The following ELOVL2 variants were observed in gnomAD, a reference collection of about 807,000 sequenced individuals.
The protein encoded by ELOVL2 is ELOVL fatty acid elongase 2, also known as very long chain fatty acid elongase 2.
In ELOVL2, 38 loss-of-function variants were observed where a neutral mutation model predicts 37.7. That is an observed-to-expected ratio of 1.01 (90% CI 0.78 to 1.32). The LOEUF is 1.32. ELOVL2 is among the 40% of genes most tolerant of loss of function. The probability of loss-of-function intolerance (pLI) is 0.00; values close to 1 mark genes in which losing one functional copy is unlikely to be tolerated. For synonymous variants in ELOVL2, 115 were observed against 122.3 expected (o/e 0.94, Z 0.40); for missense variants, 352 against 363.6 (o/e 0.97, Z 0.26).
At chr6:10,988,781 C>A (rs1324967465) in intron 7 of ELOVL2, among the ~76,000 whole-genome samples, 1 of 152,216 alleles carries the variant, frequency 6.6e-6, no homozygotes, top group Non-Finnish European at 1.5e-5. Context: ...CCTGAGGCCT[C>A]TTCTCTGTTA....
chr6:11,032,342 CAAAAAA>C (rs4053074), intron 1 of ELOVL2, among the ~76,000 whole-genome samples: 4 of 119,184 alleles, frequency 3.4e-5, no homozygotes, highest in African/African-American at 6.0e-5. Flanking sequence ...GTTTCCTATA[CAAAAAA>C]AAAAAAAAAA....
intron 5 of ELOVL2, among the ~76,000 whole-genome samples, chr6:10,994,464 A>G (rs1782226765): frequency 7.8e-6 from 1 of 128,370 alleles, no homozygotes; most frequent in Non-Finnish European, 1.6e-5. Context: ...GTGAAATTCC[A>G]TCTCAAAAAA....
chr6:11,015,362 T>G (rs1344776085), intron 1 of ELOVL2, among the ~76,000 whole-genome samples: 1 of 152,156 alleles, frequency 6.6e-6, no homozygotes, highest in East Asian at 1.9e-4. Flanking sequence ...AAGTAAAATG[T>G]GCAGAAAAGA....
chr6:11,027,210 G>A (rs1782852595), intron 1 of ELOVL2, among the ~76,000 whole-genome samples: 1 of 152,058 alleles, frequency 6.6e-6, no homozygotes, highest in African/African-American at 2.4e-5. Flanking sequence ...AATCAACATC[G>A]ATTTTTACTA....
chr6:10,984,305 A>T (rs183228499), intron 7 of ELOVL2, among the ~76,000 whole-genome samples: 3 of 152,328 alleles, frequency 2.0e-5, no homozygotes, highest in Admixed American at 1.3e-4. Context: ...GGCGTGAGCC[A>T]CTGTGCCCAG....
chr6:10,985,602 G>T (rs1341239570), intron 7 of ELOVL2, among the ~76,000 whole-genome samples: 1 of 151,750 alleles, frequency 6.6e-6, no homozygotes. Flanking sequence ...TATTAAATAG[G>T]GAATCCTTTC....
intron 3 of ELOVL2, 98 bp downstream of exon 3, chr6:11,005,274 A>G: frequency 1.8e-6 from 2 of 1,086,850 alleles, no homozygotes; most frequent in Non-Finnish European, 2.6e-6. Context: ...TTAGGTCTTA[A>G]AGTAACCTTG....
intron 1 of ELOVL2, among the ~76,000 whole-genome samples, chr6:11,036,542 C>T (rs1444757929): frequency 6.6e-6 from 1 of 152,184 alleles, no homozygotes; most frequent in Non-Finnish European, 1.5e-5. Context: ...GACTGCGTTG[C>T]CCCGGAGGAA....
intron 1 of ELOVL2, among the ~76,000 whole-genome samples, chr6:11,041,280 A>G (rs1783094233): frequency 6.6e-6 from 1 of 152,168 alleles, no homozygotes; most frequent in African/African-American, 2.4e-5. Flanking sequence ...TCTGAACATA[A>G]CTAGATACAT....
chr6:10,989,332 AAAATT>A (rs1475218857), intron 7 of ELOVL2, among the ~76,000 whole-genome samples: 2 of 152,232 alleles, frequency 1.3e-5, no homozygotes, highest in African/African-American at 4.8e-5. Flanking sequence ...TTTAATCAGT[AAAATT>A]AAACAAATAT....
At chr6:10,995,246 C>T (rs560916962) in intron 4 of ELOVL2, 68 bp from the exon 5 acceptor site, 31 of 1,215,998 alleles carry the variant, frequency 2.5e-5, no homozygotes, top group Admixed American at 1.8e-4. Context: ...CCCCACTGCT[C>T]GGCCTTCTGC....
intron 7 of ELOVL2, 148 bp from the exon 8 acceptor site, chr6:10,984,054 G>T: frequency 1.3e-6 from 1 of 745,344 alleles, no homozygotes; most frequent in South Asian, 2.0e-5. Context: ...GTTTCAATCT[G>T]TCACCCAGGC....
In ELOVL2 at chr6:11,044,247, G is replaced by C. The variant is rs567465749; in HGVS notation, c.-17C>G. ...ACTCACCATGATCCGCAGCGGCTGT[G>C]GCGCGGCGACCCGGGCGGGCGGCGA... On this transcript the variant is annotated 5_prime_UTR_variant, in exon 1 of 8. Coordinates refer to ENST00000354666, the MANE Select transcript of ELOVL2 (RefSeq NM_017770.4). The surrounding 1 kb of genome is among the most constrained non-coding windows in gnomAD (Gnocchi z 5.6). The C allele has an allele frequency of 7.4e-7, 1 of 1,346,272 alleles. No homozygotes were observed. The highest frequency in any genetic ancestry group is 2.0e-5 in the South Asian group (1 of 50,302). The allele number at this position is 1,346,272 out of a possible 1,614,324, so 83.4% of individuals were successfully genotyped here.
At chr6:11,000,455 A>G (rs1782361478) in intron 3 of ELOVL2, among the ~76,000 whole-genome samples, 2 of 152,252 alleles carry the variant, frequency 1.3e-5, no homozygotes, top group South Asian at 2.1e-4. Flanking sequence ...TATGTAAGGA[A>G]TTACCTAGTC....
At chr6:11,007,892 C>T (rs1782506978) in intron 2 of ELOVL2, among the ~76,000 whole-genome samples, 1 of 152,116 alleles carries the variant, frequency 6.6e-6, no homozygotes, top group African/African-American at 2.4e-5. Context: ...TTTTTGTTTT[C>T]TTTTGTCACA....
At chr6:10,996,394 C>T (rs1011560123) in intron 4 of ELOVL2, among the ~76,000 whole-genome samples, 1 of 152,126 alleles carries the variant, frequency 6.6e-6, no homozygotes, top group African/African-American at 2.4e-5. Context: ...ATTTGTATTG[C>T]AGTTTTGAAG....
intron 3 of ELOVL2, among the ~76,000 whole-genome samples, chr6:11,004,025 G>GT (rs1428311766): frequency 6.6e-6 from 1 of 151,800 alleles, no homozygotes; most frequent in African/African-American, 2.4e-5. Context: ...GGAGGTTGCA[G>GT]TGAGCTGAGA....
At chr6:11,025,757 T>C (rs554062273) in intron 1 of ELOVL2, among the ~76,000 whole-genome samples, 1 of 152,316 alleles carries the variant, frequency 6.6e-6, no homozygotes, top group East Asian at 1.9e-4. Context: ...AAACGTACAG[T>C]AGTTGTTATT....
chr6:11,013,130 T>C (rs1782611716), intron 1 of ELOVL2, among the ~76,000 whole-genome samples: 2 of 152,144 alleles, frequency 1.3e-5, no homozygotes, highest in Non-Finnish European at 2.9e-5. Context: ...TTGGGAAATG[T>C]TTTTATGGCC....
Sources: gnomAD v4.1 joint callset for allele counts (sites outside exome capture counted in the v4.1 genomes callset) on GRCh38, gnomAD v4.1.1 for gene constraint, Gnocchi (gnomAD v3.1) non-coding constraint, MANE v1.5 for transcripts, NCBI Gene and HGNC (gene_info 2026-07-23, HGNC 2026-07-21) for gene names.